The following PRSS3 variants were observed in gnomAD, a reference collection of about 807,000 sequenced individuals.
PRSS3 encodes serine protease 3.
In PRSS3, 14 loss-of-function variants were observed where a neutral mutation model predicts 20.8. That is an observed-to-expected ratio of 0.67 (90% CI 0.44 to 1.05). The LOEUF is 1.05. PRSS3 is among the 50% of genes least tolerant of loss of function. The pLI, the probability that PRSS3 is intolerant of heterozygous loss-of-function variation, is 0.00. For synonymous variants in PRSS3, 91 were observed against 117.6 expected, an observed-to-expected ratio of 0.77 and a Z score of 1.46; for missense variants, 237 against 306.4, an observed-to-expected ratio of 0.77 and a Z score of 1.69.
At chr9:33,760,586 A>G (rs1040719026) in intron 1 of PRSS3, among the ~76,000 whole-genome samples, 4 of 151,848 alleles carry the variant, frequency 2.6e-5, no homozygotes, top group Non-Finnish European at 5.9e-5. Flanking sequence ...CTCTACTAAA[A>G]ATACAAAAAA....
upstream of PRSS3, among the ~76,000 whole-genome samples, chr9:33,790,986 A>C (rs1425893658): frequency 1.3e-5 from 2 of 152,254 alleles, no homozygotes; most frequent in African/African-American, 4.8e-5. Flanking sequence ...AGGAATAAGC[A>C]CTTCAAACTT....
intron 1 of PRSS3, chr9:33,786,200 G>A: frequency 4.0e-6 from 2 of 502,682 alleles, no homozygotes; most frequent in Middle Eastern, 3.1e-4. Flanking sequence ...CTTTTCTCAG[G>A]GGAGAGGCCA....
rs35501160 is a variant in PRSS3, at chr9:33,779,867, T to TAAAA, written c.-52-14853_-52-14850dup. Among the ~76,000 whole-genome samples the TAAAA allele has an allele frequency of 1.2e-3, 37 of 31,860 alleles. 3 individuals are homozygous for TAAAA. Among genetic ancestry groups the TAAAA allele is most frequent in the African/African-American group, 3.7e-3 (23 of 6,148 alleles). 20.9% of individuals were successfully genotyped at this position (31,860 alleles called of 152,430 possible). On this transcript the variant is annotated intron_variant, in intron 1 of 5. Transcript: ENST00000342836. ...CTGGGTGACAGAGCGAGACTCTGTC[T>TAAAA]AAAAAAAAAAAAAAAAAAAAAAAAA...
chr9:33,755,123 C>T lies in PRSS3; in HGVS notation c.-53+4396C>T, dbSNP rs541881329. On this transcript the variant is annotated intron_variant, in intron 1 of 5. Coordinates refer to the PRSS3 transcript ENST00000342836. The stretch of plus-strand genomic sequence containing the variant: ...TATAAATCTCCATTCCGGACGGGCA[C>T]GCCAGGTCATCTGAGGGCAGGTGGT... Among the ~76,000 whole-genome samples, 6 of 152,230 alleles carry T rather than the reference C, an allele frequency of 3.9e-5. No individual in the cohort carries two copies. In the South Asian group the frequency reaches 6.2e-4, roughly 16 times the overall value.
At position 33,799,027 on chromosome 9, in the gene PRSS3, G is replaced by A. The variant is rs531193020; in HGVS notation, c.592-1G>A. 1 of 1,614,120 alleles carries A rather than the reference G, an allele frequency of 6.2e-7. No individual in the cohort carries two copies. Among genetic ancestry groups the A allele is most frequent in the African/African-American group, 1.3e-5 (1 of 75,076 alleles). ...TACAACTTGTCCCTTCTTCTCCCCA[G>A]CGTGACTCTGGTGGCCCTGTGGTCT... On this transcript the variant is annotated splice_acceptor_variant, in intron 4 of 4. Transcript: ENST00000379405. LOFTEE classifies it high-confidence loss of function.
rs74180504 is a variant in PRSS3 at position 33,785,160 on chromosome 9, A to ATTTTTTTTTTTTTTTTTT, written c.-52-9568_-52-9551dup. Reference sequence around the variant, plus strand: ...GAAAAAGATCATAGCATTGTGGTCAATTTTTTTTTTTTTTTTTTTTTTTTT... The same window carrying ATTTTTTTTTTTTTTTTTT: ...GAAAAAGATCATAGCATTGTGGTCAATTTTTTTTTTTTTTTTTTTTTTTTTTTTTTTTTTTTTTTTTTT... On this transcript the variant is annotated intron_variant, in intron 1 of 5. Coordinates refer to the PRSS3 transcript ENST00000342836. 6.5e-4 allele frequency among the ~76,000 whole-genome samples: 47 copies of ATTTTTTTTTTTTTTTTTT among 72,488 alleles called. 4 individuals are homozygous for ATTTTTTTTTTTTTTTTTT. Among genetic ancestry groups the ATTTTTTTTTTTTTTTTTT allele is most frequent in the African/African-American group, 1.2e-3 (16 of 13,320 alleles). The allele number at this position is 72,488 out of a possible 152,430, so 47.6% of individuals were successfully genotyped here. A position where few individuals can be genotyped will look rare whatever the true frequency, so the allele number is the denominator to read the frequency against.
chr9:33,758,662 G>T lies in PRSS3; in HGVS notation c.-53+7935G>T, dbSNP rs78322802. 2.0e-5 allele frequency among the ~76,000 whole-genome samples: 3 copies of T among 152,222 alleles called. No individual in the cohort carries two copies. The South Asian group carries it at 6.2e-4, about 32-fold the overall frequency. On this transcript the variant is annotated intron_variant, in intron 1 of 5. Coordinates refer to the PRSS3 transcript ENST00000342836. ...ATCTTGTGATTTCAGATATCATCTGGGGGGAGAGGATTCGCACATATGCTA... is the reference window on the plus strand; with the variant it reads ...ATCTTGTGATTTCAGATATCATCTGTGGGGAGAGGATTCGCACATATGCTA...
intron 1 of PRSS3, among the ~76,000 whole-genome samples, chr9:33,772,100 G>A (rs1209321086): frequency 1.3e-5 from 2 of 151,978 alleles, no homozygotes; most frequent in African/African-American, 4.8e-5. Context: ...TCAAATTCCT[G>A]ACCTCAGGTG....
intron 1 of PRSS3, among the ~76,000 whole-genome samples, chr9:33,780,257 A>T (rs1182208092): frequency 1.3e-5 from 2 of 152,198 alleles, no homozygotes; most frequent in Non-Finnish European, 2.9e-5. Context: ...AGATTGGGAG[A>T]CTATTTTCAG....
intron 1 of PRSS3, among the ~76,000 whole-genome samples, chr9:33,787,940 A>G (rs1301026801): frequency 6.6e-6 from 1 of 152,218 alleles, no homozygotes; most frequent in Non-Finnish European, 1.5e-5. Context: ...AGGGAAAGCC[A>G]GTCCCACTAG....
At chr9:33,762,752 G>A (rs1450143279) in intron 1 of PRSS3, among the ~76,000 whole-genome samples, 1 of 152,180 alleles carries the variant, frequency 6.6e-6, no homozygotes, top group African/African-American at 2.4e-5. Context: ...ATGTTAAACA[G>A]TAATTCTGCC....
intron 3 of PRSS3, 152 bp from the exon 4 acceptor site, chr9:33,798,334 A>G (rs376433519): frequency 0.023 from 21,231 of 937,084 alleles, no homozygotes; most frequent in African/African-American, 0.071. Flanking sequence ...ATCATTCTGG[A>G]AACTAAAAGC....
At chr9:33,755,044 T>G (rs909708562) in intron 1 of PRSS3, among the ~76,000 whole-genome samples, 4 of 152,152 alleles carry the variant, frequency 2.6e-5, no homozygotes, top group African/African-American at 9.7e-5. Flanking sequence ...TTTTAAATGG[T>G]AGAGTGCAAG....
At position 33,766,438 on chromosome 9, in the gene PRSS3, T is replaced by C. The variant is rs868446117; in HGVS notation, c.-53+15711T>C. 3.3e-5 allele frequency among the ~76,000 whole-genome samples: 5 copies of C among 151,780 alleles called. No individual in the cohort carries two copies. In the South Asian group the frequency reaches 1.0e-3, roughly 32 times the overall value. ...AATACAAAAAATTAGCCGGGCATGG[T>C]GGCAGGCGCCTGTAGTCCCAGCTAC... On this transcript the variant is annotated intron_variant, in intron 1 of 5. Coordinates refer to the PRSS3 transcript ENST00000342836.
intron 1 of PRSS3, among the ~76,000 whole-genome samples, chr9:33,757,155 A>G (rs1271414742): frequency 6.6e-6 from 1 of 152,218 alleles, no homozygotes; most frequent in Non-Finnish European, 1.5e-5. Flanking sequence ...TGTAAGGTGG[A>G]TAGGTGGAGG....
intron 2 of PRSS3, among the ~76,000 whole-genome samples, chr9:33,797,106 C>T (rs1305542788): frequency 1.3e-5 from 2 of 152,140 alleles, no homozygotes; most frequent in Non-Finnish European, 1.5e-5. Flanking sequence ...AATACTGATG[C>T]CTGTGTCCTA....
intron 1 of PRSS3, among the ~76,000 whole-genome samples, chr9:33,760,023 C>G (rs1451331495): frequency 1.3e-5 from 2 of 152,126 alleles, no homozygotes; most frequent in African/African-American, 2.4e-5. Context: ...AAGAAATGTT[C>G]CTTAGTGGCC....
At chr9:33,765,552 G>T (rs1823377379) in intron 1 of PRSS3, among the ~76,000 whole-genome samples, 1 of 152,140 alleles carries the variant, frequency 6.6e-6, no homozygotes, top group Admixed American at 6.5e-5. Flanking sequence ...TAAAACAAGG[G>T]TTATGTGAAC....
chr9:33,785,606 A>T (rs1563964654), intron 1 of PRSS3, among the ~76,000 whole-genome samples: 1 of 152,240 alleles, frequency 6.6e-6, no homozygotes, highest in Non-Finnish European at 1.5e-5. Flanking sequence ...TGACTGTGAT[A>T]ACTGAAACAA....
Sources: gnomAD v4.1 joint callset for allele counts (sites outside exome capture counted in the v4.1 genomes callset) on GRCh38, gnomAD v4.1.1 for gene constraint, MANE v1.5 for transcripts, NCBI Gene and HGNC (gene_info 2026-07-23, HGNC 2026-07-21) for gene names.